The following FBXW7 variants were observed in gnomAD, a reference collection of about 807,000 sequenced individuals.
FBXW7 encodes the protein F-box/WD repeat-containing protein 7.
Under a neutral mutation model 86.3 loss-of-function variants are expected in FBXW7, and 11 were observed. The observed-to-expected ratio is 0.13, with a 90% CI of 0.08 to 0.21. The LOEUF (loss-of-function observed/expected upper bound fraction) is 0.21, where lower values mean the gene tolerates loss of function less well. FBXW7 is among the 10% of genes least tolerant of loss of function. FBXW7 has a pLI of 1.00. For synonymous variants in FBXW7, 313 were observed against 297.9 expected (o/e 1.05, Z -0.52); for missense variants, 488 against 847.4 (o/e 0.58, Z 5.27).
At chr4:152,367,016 T>G (rs946976633) in intron 4 of FBXW7, among the ~76,000 whole-genome samples, 4 of 152,102 alleles carry the variant, frequency 2.6e-5, no homozygotes, top group African/African-American at 9.7e-5. Flanking sequence ...CTGAGCAAAC[T>G]ATCACAAGGA....
At chr4:152,471,277 T>C (rs912182939) in intron 2 of FBXW7, among the ~76,000 whole-genome samples, 1 of 151,736 alleles carries the variant, frequency 6.6e-6, no homozygotes, top group African/African-American at 2.4e-5. Flanking sequence ...ACTGTCACGA[T>C]ATTTAGGCAT....
intron 2 of FBXW7, among the ~76,000 whole-genome samples, chr4:152,511,291 C>G (rs560926805): frequency 6.7e-6 from 1 of 149,016 alleles, no homozygotes; most frequent in Non-Finnish European, 1.5e-5. Context: ...CACAGCCCCC[C>G]GCCCCCCCCA....
chr4:152,447,614 G>C (rs1399517351), intron 2 of FBXW7, among the ~76,000 whole-genome samples: 1 of 152,120 alleles, frequency 6.6e-6, no homozygotes, highest in African/African-American at 2.4e-5. Flanking sequence ...CTTGATATTA[G>C]ATTTTTAATT....
chr4:152,383,875 A>T (rs1466350298), intron 4 of FBXW7, among the ~76,000 whole-genome samples: 1 of 152,174 alleles, frequency 6.6e-6, no homozygotes, highest in Non-Finnish European at 1.5e-5. Context: ...TGCTACACAA[A>T]AACAGATTTC....
chr4:152,450,695 G>A (rs562016732), intron 2 of FBXW7, among the ~76,000 whole-genome samples: 144 of 152,254 alleles, frequency 9.5e-4, no homozygotes, highest in African/African-American at 3.3e-3. Context: ...ATAACAATTT[G>A]ATATTTGTAT....
chr4:152,407,625 A>C (rs1737536244), intron 4 of FBXW7, among the ~76,000 whole-genome samples: 1 of 152,210 alleles, frequency 6.6e-6, no homozygotes, highest in South Asian at 2.1e-4. Context: ...TGATTGGTTA[A>C]TGATCCTATT....
At chr4:152,373,875 T>C (rs1033112608) in intron 4 of FBXW7, among the ~76,000 whole-genome samples, 1 of 152,060 alleles carries the variant, frequency 6.6e-6, no homozygotes, top group African/African-American at 2.4e-5. Context: ...GCACAGAGAA[T>C]GCAAAGAAAA....
At chr4:152,349,237 C>T (rs548000467) in intron 5 of FBXW7, among the ~76,000 whole-genome samples, 1 of 151,600 alleles carries the variant, frequency 6.6e-6, no homozygotes, top group Admixed American at 6.6e-5. Context: ...CCATGAAGTT[C>T]TTATGGTTTC....
chr4:152,389,002 A>G (rs2126802794), intron 4 of FBXW7, among the ~76,000 whole-genome samples: 1 of 152,306 alleles, frequency 6.6e-6, no homozygotes, highest in African/African-American at 2.4e-5. Context: ...AAAAGAAGAC[A>G]TACATATTTT....
chr4:152,330,961 T>C, intron 8 of FBXW7, 93 bp from the exon 9 acceptor site: 1 of 1,286,404 alleles, frequency 7.8e-7, no homozygotes, highest in Non-Finnish European at 1.1e-6. Context: ...GAGTATTCCA[T>C]CTCTCTGCTC....
At position 152,508,931 on chromosome 4, in the gene FBXW7, A is replaced by G. The variant is rs75516536; in HGVS notation, c.-120+26010T>C. The stretch of plus-strand genomic sequence containing the variant: ...GGACAAATCAGCATCATGTGCCTCT[A>G]AATAAGATTCATAAAATCATTTTTG... On this transcript the variant is annotated intron_variant, in intron 2 of 13. Coordinates refer to ENST00000281708, the MANE Select transcript of FBXW7 (RefSeq NM_001349798.2). Among the ~76,000 whole-genome samples the G allele has an allele frequency of 8.9e-4, 136 of 152,348 alleles. No individual in the cohort carries two copies. In the East Asian group the frequency reaches 0.021, roughly 24 times the overall value.
intron 2 of FBXW7, among the ~76,000 whole-genome samples, chr4:152,433,508 T>TA (rs1391319863): frequency 6.6e-6 from 1 of 152,232 alleles, no homozygotes; most frequent in Admixed American, 6.5e-5. Context: ...ATATCTTCTT[T>TA]AGTCAACTGT....
intron 4 of FBXW7, among the ~76,000 whole-genome samples, chr4:152,364,753 T>C (rs1406244198): frequency 6.6e-6 from 1 of 152,176 alleles, no homozygotes; most frequent in Non-Finnish European, 1.5e-5. Flanking sequence ...TTGATCCATG[T>C]ATGGTTATCA....
intron 2 of FBXW7, among the ~76,000 whole-genome samples, chr4:152,465,987 T>C (rs1743389110): frequency 6.6e-6 from 1 of 152,210 alleles, no homozygotes; most frequent in African/African-American, 2.4e-5. Flanking sequence ...AATAGGCCGT[T>C]ATTTGAAGTT....
At chr4:152,422,452 ACT>A (rs566240941) in intron 2 of FBXW7, among the ~76,000 whole-genome samples, 5 of 152,142 alleles carry the variant, frequency 3.3e-5, no homozygotes, top group South Asian at 2.1e-4. Context: ...ACTTTGTCAA[ACT>A]CTCTGTCTCT....
chr4:152,375,070 C>T (rs1050675412), intron 4 of FBXW7, among the ~76,000 whole-genome samples: 1 of 151,972 alleles, frequency 6.6e-6, no homozygotes, highest in Admixed American at 6.6e-5. Context: ...GAGAATTAAT[C>T]ATAGCTAGAC....
intron 2 of FBXW7, among the ~76,000 whole-genome samples, chr4:152,473,275 C>G (rs1305935471): frequency 6.6e-6 from 1 of 152,158 alleles, no homozygotes. Flanking sequence ...CTTGCTAATG[C>G]TTTCCTAGAC....
At chr4:152,473,832 T>C (rs533323472) in intron 2 of FBXW7, among the ~76,000 whole-genome samples, 9 of 152,244 alleles carry the variant, frequency 5.9e-5, no homozygotes, top group Admixed American at 1.3e-4. Flanking sequence ...ACAGTGATCA[T>C]TATGGGCAAC....
chr4:152,433,245 T>C (rs1015592608), intron 2 of FBXW7, among the ~76,000 whole-genome samples: 4 of 152,260 alleles, frequency 2.6e-5, no homozygotes, highest in Non-Finnish European at 1.5e-5. Context: ...CTAGGAGTGC[T>C]TGCTCATAGG....
Sources: gnomAD v4.1 joint callset for allele counts (sites outside exome capture counted in the v4.1 genomes callset) on GRCh38, gnomAD v4.1.1 for gene constraint, MANE v1.5 for transcripts, NCBI Gene and HGNC (gene_info 2026-07-23, HGNC 2026-07-21) for gene names.